CES5A: variants seen among roughly 807,000 people sequenced by gnomAD.
CES5A encodes the protein carboxylesterase 5A, also known as carboxylesterase 5.
In CES5A, 67 loss-of-function variants were observed where a neutral mutation model predicts 62.9. That is an observed-to-expected ratio of 1.07 (90% CI 0.88 to 1.31). The LOEUF (loss-of-function observed/expected upper bound fraction) is 1.31. CES5A is among the 50% of genes most tolerant of loss of function. The pLI, the probability that CES5A is intolerant of heterozygous loss-of-function variation, is 0.00. For synonymous variants in CES5A, 296 were observed against 280.8 expected (o/e 1.05, Z -0.54); for missense variants, 748 against 708.5 (o/e 1.06, Z -0.63).
upstream of CES5A, among the ~76,000 whole-genome samples, chr16:55,879,622 T>C (rs2033740523): frequency 6.6e-6 from 1 of 152,168 alleles, no homozygotes; most frequent in African/African-American, 2.4e-5. Flanking sequence ...CTTTTCTTTT[T>C]TCTTTTTGAG....
intron 1 of CES5A, among the ~76,000 whole-genome samples, chr16:55,918,487 T>C (rs2034169697): frequency 6.6e-6 from 1 of 152,194 alleles, no homozygotes; most frequent in Non-Finnish European, 1.5e-5. Context: ...TACCATTAGA[T>C]TCTGAAAGAA....
intron 1 of CES5A, among the ~76,000 whole-genome samples, chr16:55,905,738 T>C (rs2034034677): frequency 6.6e-6 from 1 of 152,128 alleles, no homozygotes; most frequent in Non-Finnish European, 1.5e-5. Flanking sequence ...ACTGTCCTGG[T>C]TCCTCTGAGC....
intron 2 of CES5A, among the ~76,000 whole-genome samples, chr16:55,939,773 A>C (rs1242542703): frequency 6.6e-6 from 1 of 152,226 alleles, no homozygotes; most frequent in African/African-American, 2.4e-5. Flanking sequence ...ATCCTGGATC[A>C]TAAAACAAGC....
Position 55,860,733 on chromosome 16 carries a change from G to A in CES5A, c.915+679C>T, listed in dbSNP as rs113425639. On this transcript the variant is annotated intron_variant, in intron 7 of 12. Transcript: ENST00000290567. The stretch of plus-strand genomic sequence containing the variant: ...TAGAAAGGAGCACATGGAAGAGTTC[G>A]ACACATCAGGTCCAGGACTTATTAT... Among the ~76,000 whole-genome samples, 7 of 152,276 alleles carry A rather than the reference G, an allele frequency of 4.6e-5. No homozygotes were observed. The East Asian group carries it at 5.8e-4, about 13-fold the overall frequency.
intron 5 of CES5A, among the ~76,000 whole-genome samples, chr16:55,865,644 G>A (rs2033441506): frequency 1.3e-5 from 2 of 152,182 alleles, no homozygotes; most frequent in East Asian, 1.9e-4. Flanking sequence ...TCTTAGCTGA[G>A]TTTCCTATTA....
intron 2 of CES5A, among the ~76,000 whole-genome samples, chr16:55,939,808 A>T (rs1384284880): frequency 6.6e-6 from 1 of 152,190 alleles, no homozygotes; most frequent in African/African-American, 2.4e-5. Flanking sequence ...AATAATGGAA[A>T]TTATACAAAG....
intron 9 of CES5A, among the ~76,000 whole-genome samples, chr16:55,855,821 A>G (rs2061981958): frequency 6.6e-6 from 1 of 152,050 alleles, no homozygotes; most frequent in Non-Finnish European, 1.5e-5. Flanking sequence ...GACTATTGAT[A>G]TAGTTTCGAC....
chr16:55,849,308 G>T (rs1262608425), intron 11 of CES5A, among the ~76,000 whole-genome samples: 1 of 151,556 alleles, frequency 6.6e-6, no homozygotes, highest in Non-Finnish European at 1.5e-5. Context: ...GGGAGGGTAA[G>T]ACCAGTGGTC....
chr16:55,912,445 G>A (rs1318371862), intron 1 of CES5A, among the ~76,000 whole-genome samples: 4 of 152,112 alleles, frequency 2.6e-5, no homozygotes, highest in Non-Finnish European at 4.4e-5. Flanking sequence ...ACAAAGGCCA[G>A]GCACCAAGGG....
chr16:55,867,719 G>A (rs1257525439), intron 4 of CES5A, among the ~76,000 whole-genome samples: 1 of 152,178 alleles, frequency 6.6e-6, no homozygotes, highest in Non-Finnish European at 1.5e-5. Context: ...TCACAGCCTG[G>A]CCACTTATTA....
rs754673902 is a variant in CES5A at position 55,859,569 on chromosome 16, T to G, written c.1034A>C (p.Glu345Ala). The G allele has an allele frequency of 6.2e-7, 1 of 1,613,390 alleles. No individual in the cohort carries two copies. The highest frequency in any genetic ancestry group is 8.5e-7 in the Non-Finnish European group (1 of 1,179,886). The change falls in exon 8 of 13, where the codon GAG becomes GCG. Residue 345 changes from glutamate to alanine, a missense_variant. Coordinates refer to ENST00000290567, the MANE Select transcript of CES5A (RefSeq NM_001143685.2). Reference sequence around the variant, plus strand: ...TACCATAGGCAGCAGGAAGCCACACTCGTGGTTATTGACTCCGATGATGGA... The same window carrying G: ...TACCATAGGCAGCAGGAAGCCACACGCGTGGTTATTGACTCCGATGATGGA... Reference protein sequence around the residue: ...IPSIIGVNNHECGFLLPMKEA... With the variant: ...IPSIIGVNNHACGFLLPMKEA...
intron 9 of CES5A, among the ~76,000 whole-genome samples, chr16:55,853,801 G>C (rs536667045): frequency 6.6e-6 from 1 of 152,246 alleles, no homozygotes; most frequent in East Asian, 1.9e-4. Context: ...GAGAGTGCAT[G>C]GTAAATTCCA....
chr16:55,858,719 A>G (rs1180477132), intron 8 of CES5A, among the ~76,000 whole-genome samples: 2 of 152,194 alleles, frequency 1.3e-5, no homozygotes, highest in Non-Finnish European at 2.9e-5. Flanking sequence ...TAAGGAGGCC[A>G]ATCTATATAA....
intron 1 of CES5A, chr16:55,955,716 C>T: frequency 1.0e-6 from 1 of 992,030 alleles, no homozygotes; most frequent in African/African-American, 1.6e-5. Flanking sequence ...ATCTAGCCTA[C>T]CGTGGGGGCT....
At chr16:55,864,781 T>A (rs1266624034) in intron 5 of CES5A, among the ~76,000 whole-genome samples, 2 of 152,120 alleles carry the variant, frequency 1.3e-5, no homozygotes, top group African/African-American at 4.8e-5. Flanking sequence ...TGGTGGCGCA[T>A]GCCTGTAGTC....
chr16:55,934,243 T>C (rs2034344119), intron 2 of CES5A, among the ~76,000 whole-genome samples: 1 of 152,254 alleles, frequency 6.6e-6, no homozygotes, highest in African/African-American at 2.4e-5. Flanking sequence ...ATTATTGTTC[T>C]GCCTTTCCTC....
intron 7 of CES5A, among the ~76,000 whole-genome samples, chr16:55,860,603 C>T (rs1385227575): frequency 2.0e-5 from 3 of 152,142 alleles, no homozygotes; most frequent in South Asian, 4.1e-4. Context: ...GTAGGTGTCT[C>T]CCTGAGACAC....
chr16:55,881,511 G>A (rs751284323), intron 1 of CES5A, among the ~76,000 whole-genome samples: 3 of 152,132 alleles, frequency 2.0e-5, no homozygotes, highest in South Asian at 2.1e-4. Context: ...AGAATGCCTC[G>A]GGCAGATGCT....
chr16:55,899,673 C>T (rs1179312071), intron 1 of CES5A, among the ~76,000 whole-genome samples: 5 of 152,062 alleles, frequency 3.3e-5, no homozygotes. Flanking sequence ...TGCTTTTGTC[C>T]CCCAGGGGAC....
Sources: allele counts gnomAD v4.1 joint callset (sites outside exome capture counted in the v4.1 genomes callset), GRCh38; gene constraint gnomAD v4.1.1; transcripts MANE v1.5; gene names NCBI Gene and HGNC (gene_info 2026-07-23, HGNC 2026-07-21).